The following STRAP variants were observed in gnomAD, a reference collection of about 807,000 sequenced individuals.
The protein encoded by STRAP is serine-threonine kinase receptor-associated protein.
A neutral mutation model predicts 47.0 loss-of-function variants in STRAP; 16 were observed. The ratio of observed to expected loss-of-function variants is 0.34; its 90% CI spans 0.23 to 0.52. The LOEUF is 0.52. Among genes scored for constraint, STRAP ranks in the 20% least tolerant of loss-of-function variants. The pLI, the probability that STRAP is intolerant of heterozygous loss-of-function variation, is 0.96. For missense variants in STRAP, 293 were observed against 420.0 expected (o/e 0.70, Z 2.64); for synonymous variants, 130 against 142.7 (o/e 0.91, Z 0.63).
intron 8 of STRAP, among the ~76,000 whole-genome samples, 200 bp from the exon 9 acceptor site, chr12:15,900,747 G>A (rs1408570955): frequency 6.6e-6 from 1 of 152,136 alleles, no homozygotes; most frequent in Non-Finnish European, 1.5e-5. Flanking sequence ...TCCCTAAGTA[G>A]TTGCAGTATG....
Position 15,900,945 on chromosome 12 carries a change from A to C in STRAP, c.926-2A>C. On this transcript the variant is annotated splice_acceptor_variant, in intron 8 of 9. Coordinates refer to ENST00000419869, the MANE Select transcript of STRAP (RefSeq NM_007178.4). LOFTEE classifies it high-confidence loss of function. ...TAATCGTCATTGCTTTTCTTTTTAC[A>C]GAAGAAGATAGTGGTGAGCTGGCAA... is the stretch of plus-strand genomic sequence containing the variant. 6.3e-7 allele frequency: 1 copy of C among 1,581,558 alleles called. No homozygotes were observed. Among genetic ancestry groups the C allele is most frequent in the Non-Finnish European group, 8.6e-7 (1 of 1,165,816 alleles).
Position 15,882,484 on chromosome 12 carries a change from T to C in STRAP, c.-224T>C, listed in dbSNP as rs2136105794. ...TCCCCTACTTTCCTCCCTCCCTCCC[T>C]TTCCCTCCCTCGTCGACTGTTGCTT... On this transcript the variant is annotated 5_prime_UTR_variant, in exon 1 of 10. Transcript: ENST00000419869. The C allele has an allele frequency of 1.7e-5, 6 of 352,624 alleles. No individual in the cohort carries two copies. The highest frequency in any genetic ancestry group is 4.8e-5 in the South Asian group (2 of 41,876). The allele number at this position is 352,624 out of a possible 1,614,324, so 21.8% of individuals were successfully genotyped here.
intron 6 of STRAP, among the ~76,000 whole-genome samples, chr12:15,895,949 G>A (rs765352692): frequency 4.0e-5 from 6 of 151,870 alleles, no homozygotes; most frequent in South Asian, 2.1e-4. Context: ...TGGGCTGGGC[G>A]TGGTGGCTCA....
At chr12:15,885,337 C>T (rs1359553499) in intron 2 of STRAP, among the ~76,000 whole-genome samples, 3 of 151,672 alleles carry the variant, frequency 2.0e-5, no homozygotes, top group East Asian at 1.9e-4. Flanking sequence ...TACAGGTGCA[C>T]GCCACCACGC....
chr12:15,885,205 TA>T (rs1555144752), intron 2 of STRAP, among the ~76,000 whole-genome samples: 42 of 145,084 alleles, frequency 2.9e-4, no homozygotes, highest in African/African-American at 9.7e-4. Context: ...TTTTTTTTTT[TA>T]AAGACAGAGT....
chr12:15,882,893 T>C, intron 1 of STRAP, 74 bp downstream of exon 1: 3 of 1,490,080 alleles, frequency 2.0e-6, no homozygotes, highest in Non-Finnish European at 2.8e-6. Flanking sequence ...CACGCTCCAG[T>C]GCCGAAGCGG....
Position 15,902,953 on chromosome 12 carries a change from C to A in STRAP, c.1028C>A (p.Pro343His). ...TCAGAGAATTCAGATTGCATCTTTCCTTCAGCTCCTGATGTTAAGGCCTGA... is the reference window on the plus strand; with the variant it reads ...TCAGAGAATTCAGATTGCATCTTTCATTCAGCTCCTGATGTTAAGGCCTGA... ...IASENSDCIF[P>H]SAPDVKA Residue 343 changes from proline to histidine, a missense_variant, in exon 10 of 10, where the codon CCT becomes CAT. By Grantham distance (77) the Pro-to-His change is moderately conservative. Around this residue, in one of 5 missense-constraint regions of STRAP, gnomAD observed 52 missense variants for 45.0 expected, o/e 1.16. Coordinates refer to ENST00000419869, the MANE Select transcript of STRAP (RefSeq NM_007178.4). 6.7e-7 allele frequency: 1 copy of A among 1,501,364 alleles called. No homozygotes were observed. The highest frequency in any genetic ancestry group is 1.2e-5 in the South Asian group (1 of 80,414). The allele number at this position is 1,501,364 out of a possible 1,614,324, so 93.0% of individuals were successfully genotyped here. A position where few individuals can be genotyped will look rare whatever the true frequency, so the allele number is the denominator to read the frequency against.
intron 1 of STRAP, among the ~76,000 whole-genome samples, 195 bp from the exon 2 acceptor site, chr12:15,883,344 CAG>C (rs1433621250): frequency 1.3e-5 from 2 of 152,204 alleles, no homozygotes; most frequent in African/African-American, 4.8e-5. Flanking sequence ...AGATGCTTTT[CAG>C]AGAGAATGAT....
chr12:15,886,272 C>T (rs1057511397), intron 2 of STRAP, among the ~76,000 whole-genome samples: 1 of 151,872 alleles, frequency 6.6e-6, no homozygotes, highest in African/African-American at 2.4e-5. Context: ...TCACTGCAGC[C>T]TCTATCTCCC....
intron 6 of STRAP, among the ~76,000 whole-genome samples, chr12:15,895,936 G>A (rs1164159002): frequency 1.3e-5 from 2 of 150,072 alleles, no homozygotes; most frequent in Non-Finnish European, 3.0e-5. Flanking sequence ...TATAAAACCA[G>A]TGTGGGCTGG....
Position 15,894,422 on chromosome 12 carries a change from G to A in STRAP, c.500+279G>A, listed in dbSNP as rs1460191018. ...TGCGGTGAGTCGAGATCGTGCCATT[G>A]CACTCTAGCCTGGGCGACAGAGCTA... On this transcript the variant is annotated intron_variant, in intron 5 of 9. Transcript: ENST00000419869. This position sits in a 1 kb window ranked among gnomAD's most constrained non-coding sequence, Gnocchi z 4.9. Among the ~76,000 whole-genome samples, 1 of 152,218 alleles carries A rather than the reference G, an allele frequency of 6.6e-6. No individual in the cohort carries two copies. The highest frequency in any genetic ancestry group is 1.5e-5 in the Non-Finnish European group (1 of 68,036).
chr12:15,898,767 T>C (rs917587058), intron 7 of STRAP, among the ~76,000 whole-genome samples: 3 of 152,184 alleles, frequency 2.0e-5, no homozygotes, highest in Non-Finnish European at 4.4e-5. Context: ...TATAAATATA[T>C]ATTTTTATCT....
intron 1 of STRAP, 184 bp downstream of exon 1, chr12:15,883,003 C>T (rs1947936516): frequency 3.4e-6 from 5 of 1,480,366 alleles, no homozygotes; most frequent in South Asian, 1.2e-5. Flanking sequence ...GCAGCTGGAG[C>T]CGAGAGGACG....
chr12:15,893,322 T>C (rs141865085), intron 4 of STRAP, among the ~76,000 whole-genome samples: 1 of 151,692 alleles, frequency 6.6e-6, no homozygotes, highest in African/African-American at 2.4e-5. Context: ...GAGTTAGCCA[T>C]AGTACTGCAA....
In STRAP at chr12:15,903,145, T is replaced by A. The variant is rs918873040; in HGVS notation, c.*167T>A. 1.4e-5 allele frequency: 9 copies of A among 647,844 alleles called. No individual in the cohort carries two copies. Among genetic ancestry groups the A allele is most frequent in the Non-Finnish European group, 1.6e-5 (7 of 431,326 alleles). The allele number at this position is 647,844 out of a possible 1,614,324, so 40.1% of individuals were successfully genotyped here. A position where few individuals can be genotyped will look rare whatever the true frequency, so the allele number is the denominator to read the frequency against. On this transcript the variant is annotated 3_prime_UTR_variant, in exon 10 of 10. Coordinates refer to ENST00000419869, the MANE Select transcript of STRAP (RefSeq NM_007178.4). ...CAACTAACTAACTTGGTGTTACCTG[T>A]AAGTGAAAACTCAAGTGTCAGATGA...
intron 2 of STRAP, 50 bp from the exon 3 acceptor site, chr12:15,889,878 A>G (rs1185805693): frequency 1.4e-6 from 2 of 1,426,446 alleles, no homozygotes; most frequent in Non-Finnish European, 9.8e-7. Flanking sequence ...TTATCCTTTT[A>G]ATATATTGGG....
At chr12:15,888,147 G>A (rs1398455450) in intron 2 of STRAP, among the ~76,000 whole-genome samples, 1 of 152,110 alleles carries the variant, frequency 6.6e-6, no homozygotes, top group African/African-American at 2.4e-5. Context: ...TTGGAGTTGA[G>A]GATAAATAGT....
chr12:15,886,098 G>T (rs1947970362), intron 2 of STRAP, among the ~76,000 whole-genome samples: 1 of 152,032 alleles, frequency 6.6e-6, no homozygotes, highest in South Asian at 2.1e-4. Context: ...GGCTTTAGGT[G>T]CTGTGTTAGA....
At chr12:15,882,937 A>G in intron 1 of STRAP, 118 bp downstream of exon 1, 3 of 1,338,666 alleles carry the variant, frequency 2.2e-6, no homozygotes, top group Admixed American at 2.0e-5. Context: ...CGATATTAAC[A>G]TCTGAGATGA....
Sources: gnomAD v4.1 joint callset for allele counts (sites outside exome capture counted in the v4.1 genomes callset) on GRCh38, gnomAD v4.1.1 for gene constraint, gnomAD v4.1.1 regional missense constraint, Gnocchi (gnomAD v3.1) non-coding constraint, MANE v1.5 for transcripts, NCBI Gene and HGNC (gene_info 2026-07-23, HGNC 2026-07-21) for gene names.